RPSA2: variants seen among roughly 807,000 people sequenced by gnomAD.
The protein encoded by RPSA2 is small ribosomal subunit protein uS2B.
At chr19:23,839,250 G>T in the RPSA2 span, among the ~76,000 whole-genome samples, 12 of 152,294 alleles carry the variant, frequency 7.9e-5, no homozygotes, top group East Asian at 2.1e-3. Context: ...GGTTTTGAAG[G>T]TTCCTTTGGG....
the RPSA2 span, among the ~76,000 whole-genome samples, chr19:23,806,438 A>G: frequency 6.6e-6 from 1 of 152,166 alleles, no homozygotes; most frequent in East Asian, 1.9e-4. Context: ...TAATGGCATT[A>G]CACCATTAAG....
chr19:23,844,964 A>C, the RPSA2 span, among the ~76,000 whole-genome samples: 5 of 148,610 alleles, frequency 3.4e-5, no homozygotes, highest in East Asian at 1.0e-3. Flanking sequence ...TTGTTCAGGT[A>C]CTCAGTTTCT....
At chr19:23,778,786 C>T in the RPSA2 span, among the ~76,000 whole-genome samples, 2 of 152,042 alleles carry the variant, frequency 1.3e-5, no homozygotes, top group African/African-American at 2.4e-5. Context: ...CATCACTTGG[C>T]CTAGCACTTA....
chr19:23,863,762 A>G, the RPSA2 span, among the ~76,000 whole-genome samples: 1 of 152,214 alleles, frequency 6.6e-6, no homozygotes, highest in Non-Finnish European at 1.5e-5. Context: ...TACTGTAAAG[A>G]TAATAATGAA....
chr19:23,836,714 A>G, the RPSA2 span, among the ~76,000 whole-genome samples: 758 of 152,258 alleles, frequency 5.0e-3, 5 homozygotes, highest in African/African-American at 0.018. Flanking sequence ...CCATTCCTGC[A>G]GGAATAGAGT....
chr19:23,762,025 C>G, the RPSA2 span, among the ~76,000 whole-genome samples: 1 of 150,606 alleles, frequency 6.6e-6, no homozygotes, highest in Non-Finnish European at 1.5e-5. Flanking sequence ...GCAAGCAGTT[C>G]TCCTGCCTCA....
At chr19:23,782,675 G>T in the RPSA2 span, among the ~76,000 whole-genome samples, 1 of 152,154 alleles carries the variant, frequency 6.6e-6, no homozygotes. Flanking sequence ...TAGATAATGT[G>T]ACTCTTTTCT....
the RPSA2 span, among the ~76,000 whole-genome samples, chr19:23,823,313 T>C: frequency 6.6e-6 from 1 of 152,060 alleles, no homozygotes; most frequent in Non-Finnish European, 1.5e-5. Flanking sequence ...AATTAAACCA[T>C]CCCCCTTGCA....
At chr19:23,766,538 T>G in the RPSA2 span, among the ~76,000 whole-genome samples, 1 of 147,892 alleles carries the variant, frequency 6.8e-6, no homozygotes, top group African/African-American at 2.5e-5. Context: ...CACTGCAAGC[T>G]CCGCCTCCCG....
chr19:23,805,535 G>A, the RPSA2 span, among the ~76,000 whole-genome samples: 1 of 143,884 alleles, frequency 7.0e-6, no homozygotes, highest in African/African-American at 2.6e-5. Context: ...TCTGTCTTGG[G>A]CTTTCTGCCT....
At chr19:23,768,698 C>T in the RPSA2 span, among the ~76,000 whole-genome samples, 10 of 147,372 alleles carry the variant, frequency 6.8e-5, no homozygotes, top group Non-Finnish European at 1.5e-4. Context: ...AGCGATTCTC[C>T]TGCCTCAGCC....
the RPSA2 span, among the ~76,000 whole-genome samples, chr19:23,786,255 G>A: frequency 6.6e-6 from 1 of 152,166 alleles, no homozygotes; most frequent in Non-Finnish European, 1.5e-5. Flanking sequence ...AGAAAATGTG[G>A]TGATTCTCTT....
chr19:23,773,525 G>T, the RPSA2 span, among the ~76,000 whole-genome samples: 1 of 152,052 alleles, frequency 6.6e-6, no homozygotes, highest in Non-Finnish European at 1.5e-5. Flanking sequence ...CTCATGATCT[G>T]CCCGCCTCAG....
chr19:23,859,764 C>T, the RPSA2 span, among the ~76,000 whole-genome samples: 1 of 152,180 alleles, frequency 6.6e-6, no homozygotes, highest in South Asian at 2.1e-4. Flanking sequence ...TTACACATAT[C>T]TCCATTCAGC....
the RPSA2 span, chr19:23,819,024 T>A: frequency 6.6e-6 from 1 of 152,120 alleles, no homozygotes; most frequent in Non-Finnish European, 1.5e-5. Context: ...TTAAAGGGAA[T>A]AGCAAAAGTA....
At chr19:23,766,780 C>T in the RPSA2 span, among the ~76,000 whole-genome samples, 1 of 139,992 alleles carries the variant, frequency 7.1e-6, no homozygotes, top group East Asian at 2.1e-4. Flanking sequence ...TTTTTTGAGA[C>T]GGAGTTTCGC....
the RPSA2 span, among the ~76,000 whole-genome samples, chr19:23,797,105 A>ATTTATT: frequency 6.6e-6 from 1 of 151,252 alleles, no homozygotes; most frequent in Non-Finnish European, 1.5e-5. Flanking sequence ...ATTTTTATTT[A>ATTTATT]TATTTATTTA....
At chr19:23,840,633 A>T in the RPSA2 span, among the ~76,000 whole-genome samples, 1 of 152,178 alleles carries the variant, frequency 6.6e-6, no homozygotes, top group Non-Finnish European at 1.5e-5. Context: ...AGAATGCTTA[A>T]AGAGAGAGTA....
the RPSA2 span, among the ~76,000 whole-genome samples, chr19:23,781,181 G>T: frequency 6.6e-6 from 1 of 152,034 alleles, no homozygotes; most frequent in African/African-American, 2.4e-5. Context: ...CACCATGTTG[G>T]CCAGACTGGT....
Sources: gnomAD v4.1 joint callset for allele counts (sites outside exome capture counted in the v4.1 genomes callset) on GRCh38, gnomAD v4.1.1 for gene constraint, MANE v1.5 for transcripts, NCBI Gene and HGNC (gene_info 2026-07-23, HGNC 2026-07-21) for gene names.